PCDH15: variants seen among roughly 807,000 people sequenced by gnomAD.
The protein encoded by PCDH15 is protocadherin-15.
PCDH15 carries 129 observed loss-of-function variants against 178.5 expected under a neutral mutation model. The observed-to-expected ratio is 0.72, with a 90% confidence interval of 0.63 to 0.84. The LOEUF (loss-of-function observed/expected upper bound fraction) is 0.84. Among genes scored for constraint, PCDH15 ranks in the 40% least tolerant of loss-of-function variants. PCDH15 has a pLI of 0.00. For synonymous variants in PCDH15, 800 were observed against 732.0 expected (o/e 1.09, Z -1.50); for missense variants, 2,230 against 2,099.9 (o/e 1.06, Z -1.21).
chr10:55,112,875 A>C (rs561379901), intron 2 of PCDH15, among the ~76,000 whole-genome samples: 1 of 152,282 alleles, frequency 6.6e-6, no homozygotes, highest in East Asian at 1.9e-4. Context: ...AAAAAGACCC[A>C]AAATATACCA....
At chr10:55,065,580 C>T (rs1381926735) in intron 2 of PCDH15, among the ~76,000 whole-genome samples, 1 of 152,004 alleles carries the variant, frequency 6.6e-6, no homozygotes, top group Admixed American at 6.6e-5. Context: ...ACTCTATGAA[C>T]CCAGGAGAGT....
intron 3 of PCDH15, among the ~76,000 whole-genome samples, chr10:54,467,408 A>G (rs1415405547): frequency 6.6e-6 from 1 of 151,838 alleles, no homozygotes; most frequent in African/African-American, 2.4e-5. Context: ...TAAGATGATG[A>G]TAAGATTTTG....
chr10:55,373,869 C>T (rs1845560081), intron 2 of PCDH15, among the ~76,000 whole-genome samples: 1 of 148,822 alleles, frequency 6.7e-6, no homozygotes, highest in African/African-American at 2.5e-5. Flanking sequence ...GCAAACACTG[C>T]ACATAAGTGG....
At chr10:54,593,272 C>A (rs1565688183) in intron 2 of PCDH15, among the ~76,000 whole-genome samples, 1 of 152,056 alleles carries the variant, frequency 6.6e-6, no homozygotes, top group African/African-American at 2.4e-5. Context: ...AATCTTTTTC[C>A]TGATGGCTTT....
intron 1 of PCDH15, among the ~76,000 whole-genome samples, chr10:54,673,063 A>C (rs1590966290): frequency 6.6e-6 from 1 of 152,060 alleles, no homozygotes; most frequent in South Asian, 2.1e-4. Flanking sequence ...ATTAATTGGT[A>C]AAGCATGTCA....
chr10:55,532,161 C>T (rs908404122), intron 2 of PCDH15, among the ~76,000 whole-genome samples: 45 of 151,928 alleles, frequency 3.0e-4, no homozygotes, highest in Admixed American at 2.4e-3. Flanking sequence ...TACTACATGA[C>T]TCAAGAACTA....
At chr10:54,166,741 G>A (rs1424725777) in intron 13 of PCDH15, among the ~76,000 whole-genome samples, 2 of 149,268 alleles carry the variant, frequency 1.3e-5, no homozygotes, top group Admixed American at 1.4e-4. Flanking sequence ...ACGCCCAGAT[G>A]GCCTGAAGTA....
At chr10:54,402,964 G>A (rs1952124869) in intron 3 of PCDH15, among the ~76,000 whole-genome samples, 1 of 151,992 alleles carries the variant, frequency 6.6e-6, no homozygotes, top group African/African-American at 2.4e-5. Context: ...AATGAGGAAG[G>A]CATGTTGTAA....
At chr10:55,041,550 A>AT (rs199933044) in intron 2 of PCDH15, among the ~76,000 whole-genome samples, 8 of 151,502 alleles carry the variant, frequency 5.3e-5, no homozygotes, top group African/African-American at 9.7e-5. Flanking sequence ...AATGTCCTGC[A>AT]TTTTTTTTTC....
At chr10:54,918,396 A>G (rs1200837089) in intron 2 of PCDH15, among the ~76,000 whole-genome samples, 1 of 152,184 alleles carries the variant, frequency 6.6e-6, no homozygotes, top group Non-Finnish European at 1.5e-5. Context: ...TATAACGGAG[A>G]GTAATTCTCA....
chr10:54,434,009 T>C (rs1350250145), intron 3 of PCDH15, among the ~76,000 whole-genome samples: 1 of 152,282 alleles, frequency 6.6e-6, no homozygotes, highest in Non-Finnish European at 1.5e-5. Flanking sequence ...AAGACAGCGA[T>C]ATAGATCCAC....
intron 1 of PCDH15, among the ~76,000 whole-genome samples, chr10:55,227,404 A>G (rs1043964748): frequency 6.6e-6 from 1 of 152,128 alleles, no homozygotes; most frequent in Non-Finnish European, 1.5e-5. Context: ...TAAGAACAAG[A>G]CATGGAATGG....
At chr10:54,379,009 C>A (rs999732874) in intron 3 of PCDH15, 67 bp from the exon 4 acceptor site, 37 of 1,569,616 alleles carry the variant, frequency 2.4e-5, no homozygotes, top group Non-Finnish European at 2.9e-5. Context: ...AAAGATCATG[C>A]TCTTAAACCG....
At chr10:53,834,963 G>C in intron 29 of PCDH15, among the ~76,000 whole-genome samples, 1 of 152,250 alleles carries the variant, frequency 6.6e-6, no homozygotes. Context: ...CAATTTAGGC[G>C]TACAGAGTGG....
rs71004489 is a variant in PCDH15 at position 53,888,291 on chromosome 10, C to CATATATATATAT, written c.3501+14940_3501+14951dup. ...AATAAACATTCCAACACTATATATA[C>CATATATATATAT]ATATATATATATATATATGTATATA... is the stretch of plus-strand genomic sequence containing the variant. On this transcript the variant is annotated intron_variant, in intron 26 of 37. Transcript: ENST00000644397. Among the ~76,000 whole-genome samples, 39 of 48,822 alleles carry CATATATATATAT rather than the reference C, an allele frequency of 8.0e-4. 1 individual carries two copies. Among genetic ancestry groups the CATATATATATAT allele is most frequent in the African/African-American group, 2.0e-3 (39 of 19,904 alleles). The allele number at this position is 48,822 out of a possible 152,430, so 32.0% of individuals were successfully genotyped here.
intron 2 of PCDH15, among the ~76,000 whole-genome samples, chr10:55,410,755 A>C (rs1838312139): frequency 6.6e-6 from 1 of 152,144 alleles, no homozygotes; most frequent in Non-Finnish European, 1.5e-5. Flanking sequence ...ACTGCTGCTC[A>C]GTAATTAACT....
At chr10:54,132,430 T>C (rs911645560) in intron 15 of PCDH15, among the ~76,000 whole-genome samples, 2 of 151,662 alleles carry the variant, frequency 1.3e-5, no homozygotes, top group Admixed American at 1.3e-4. Context: ...TGAAGTGGGG[T>C]TTGTCTCAGA....
At chr10:54,309,320 T>C (rs1362113995) in intron 8 of PCDH15, among the ~76,000 whole-genome samples, 5 of 146,186 alleles carry the variant, frequency 3.4e-5, no homozygotes, top group Admixed American at 6.9e-5. Flanking sequence ...TATACGTACA[T>C]ACACACACAC....
At chr10:54,494,532 G>A (rs966893554) in intron 3 of PCDH15, among the ~76,000 whole-genome samples, 3 of 152,070 alleles carry the variant, frequency 2.0e-5, no homozygotes, top group African/African-American at 7.2e-5. Flanking sequence ...CTGAATCAGT[G>A]TAGCAATTCT....
Sources: allele counts gnomAD v4.1 joint callset (sites outside exome capture counted in the v4.1 genomes callset), GRCh38; gene constraint gnomAD v4.1.1; transcripts MANE v1.5; gene names NCBI Gene and HGNC (gene_info 2026-07-23, HGNC 2026-07-21).